Variants in ACAA1 observed in about 807,000 individuals in gnomAD.
ACAA1 encodes 3-ketoacyl-CoA thiolase, peroxisomal.
ACAA1 carries 44 observed loss-of-function variants against 48.8 expected under a neutral mutation model. The observed-to-expected ratio is 0.90, with a 90% CI of 0.71 to 1.16. The LOEUF (loss-of-function observed/expected upper bound fraction) is 1.16, where lower values mean the gene tolerates loss of function less well. Among genes scored for constraint, ACAA1 ranks in the 50% most tolerant of loss-of-function variants. The probability of loss-of-function intolerance (pLI) is 0.00; values close to 1 mark genes in which losing one functional copy is unlikely to be tolerated. For synonymous variants in ACAA1, 233 were observed against 226.5 expected (o/e 1.03, Z -0.26); for missense variants, 512 against 562.3 (o/e 0.91, Z 0.90).
In ACAA1 at chr3:38,125,657, CA is replaced by C. The variant is rs1307934884; in HGVS notation, c.1106del (p.Leu369ArgfsTer7). On this transcript the variant is annotated frameshift_variant, in exon 11 of 12. Transcript: ENST00000333167. LOFTEE classifies it high-confidence loss of function. Reference protein sequence around the residue: ...LRLPPEKVNPLGGAVALGHPL... With the variant: ...LRLPPEKVNPXGGAVALGHPL... ...GGTGCCCTAAGGCCACTGCACCCCC[CA>C]GGGGGTTCACCTTCTCAGGGGGGAG... The C allele has an allele frequency of 1.9e-6, 3 of 1,599,094 alleles. No individual in the cohort carries two copies. The highest frequency in any genetic ancestry group is 1.3e-5 in the African/African-American group (1 of 74,648).
chr3:38,136,040 C>T (rs778635211), intron 2 of ACAA1, among the ~76,000 whole-genome samples: 4 of 152,274 alleles, frequency 2.6e-5, no homozygotes, highest in East Asian at 1.9e-4. Context: ...TGGAGAATGG[C>T]GATGACTTTT....
At chr3:38,136,314 G>T (rs1700891955) in intron 2 of ACAA1, among the ~76,000 whole-genome samples, 1 of 152,124 alleles carries the variant, frequency 6.6e-6, no homozygotes, top group African/African-American at 2.4e-5. Flanking sequence ...CCCTTGCCGA[G>T]ATAGTGAAAA....
intron 5 of ACAA1, among the ~76,000 whole-genome samples, chr3:38,131,015 C>T (rs1285764658): frequency 6.6e-6 from 1 of 152,230 alleles, no homozygotes; most frequent in East Asian, 1.9e-4. Flanking sequence ...GGAGGCACTG[C>T]CAAATACAAC....
intron 2 of ACAA1, chr3:38,134,275 G>T: frequency 3.6e-6 from 2 of 548,852 alleles, no homozygotes; most frequent in Non-Finnish European, 6.5e-6. Context: ...AGCACAGATG[G>T]GCAGGTTGTC....
Position 38,131,922 on chromosome 3 carries a change from T to C in ACAA1, c.403+4A>G. On this transcript the variant is annotated splice_donor_region_variant and intron_variant, in intron 4 of 11. Coordinates refer to ENST00000333167, the MANE Select transcript of ACAA1 (RefSeq NM_001607.4). ...ACCAAGGCACCCACCCAGTCATAAC[T>C]TACCTGCTATGCTGGCCACTGCCTG... The C allele has an allele frequency of 6.2e-7, 1 of 1,613,264 alleles. No homozygotes were observed. The highest frequency in any genetic ancestry group is 8.5e-7 in the Non-Finnish European group (1 of 1,179,264).
chr3:38,131,030 G>A (rs976581148), intron 5 of ACAA1, among the ~76,000 whole-genome samples: 7 of 152,182 alleles, frequency 4.6e-5, no homozygotes, highest in African/African-American at 1.4e-4. Context: ...TACAACTTCT[G>A]CAGCTCCATT....
rs563280344 is a variant in ACAA1 at position 38,133,946 on chromosome 3, G to A, written c.323+6C>T. ...CCAACCCATGGCTAGAACTAGAAAA[G>A]TTTACCTCAGAAACTGGGCGATTCG... is the stretch of plus-strand genomic sequence containing the variant. On this transcript the variant is annotated splice_donor_region_variant and intron_variant, in intron 3 of 11. Coordinates refer to ENST00000333167, the MANE Select transcript of ACAA1 (RefSeq NM_001607.4). 9 of 1,614,144 alleles carry A rather than the reference G, an allele frequency of 5.6e-6. No homozygotes were observed. In the South Asian group the frequency reaches 9.9e-5, roughly 18 times the overall value.
chr3:38,123,164 C>T (rs752080468), intron 11 of ACAA1, 42 bp from the exon 12 acceptor site: 2 of 1,584,346 alleles, frequency 1.3e-6, no homozygotes, highest in African/African-American at 2.7e-5. Context: ...AGGCACCCAC[C>T]AAATTACCTC....
chr3:38,134,026 T>C lies in ACAA1; in HGVS notation c.266-17A>G. ...GCACATTTCCTGTGGACAACAAACTTTCATTCAGTGCCAGGCGGTGGTGTT... is the reference window on the plus strand; with the variant it reads ...GCACATTTCCTGTGGACAACAAACTCTCATTCAGTGCCAGGCGGTGGTGTT... On this transcript the variant is annotated splice_polypyrimidine_tract_variant and intron_variant, in intron 2 of 11. Coordinates refer to ENST00000333167, the MANE Select transcript of ACAA1 (RefSeq NM_001607.4). 3.7e-6 allele frequency: 6 copies of C among 1,611,492 alleles called. No homozygotes were observed. The highest frequency in any genetic ancestry group is 5.1e-6 in the Non-Finnish European group (6 of 1,178,264).
chr3:38,125,934 G>A (rs753131208), intron 9 of ACAA1, 53 bp from the exon 10 acceptor site: 5 of 1,610,936 alleles, frequency 3.1e-6, no homozygotes, highest in South Asian at 2.2e-5. Context: ...GCCTCCCCTG[G>A]GGCCCACCCC....
chr3:38,135,054 C>G (rs542692080), intron 2 of ACAA1: 1 of 152,334 alleles, frequency 6.6e-6, no homozygotes, highest in Admixed American at 6.5e-5. Context: ...ATGCTGGCAG[C>G]AATACTGCTC....
chr3:38,122,879 C>G lies in ACAA1; in HGVS notation c.*168G>C. 1 of 801,700 alleles carries G rather than the reference C, an allele frequency of 1.2e-6. No homozygotes were observed. The highest frequency in any genetic ancestry group is 2.0e-6 in the Non-Finnish European group (1 of 508,138). The allele number at this position is 801,700 out of a possible 1,614,324, so 49.7% of individuals were successfully genotyped here. ...CTCAACACCCCACCCACTCCTATACCATGTCATCAGTGTTCACATTTTCCA... is the reference window on the plus strand; with the variant it reads ...CTCAACACCCCACCCACTCCTATACGATGTCATCAGTGTTCACATTTTCCA... On this transcript the variant is annotated 3_prime_UTR_variant, in exon 12 of 12. Coordinates refer to ENST00000333167, the MANE Select transcript of ACAA1 (RefSeq NM_001607.4).
In ACAA1 at chr3:38,129,241, T is replaced by C. The variant is rs1158634312; in HGVS notation, c.545+49A>G. On this transcript the variant is annotated intron_variant, in intron 6 of 11. Coordinates refer to ENST00000333167, the MANE Select transcript of ACAA1 (RefSeq NM_001607.4). This position sits in a 1 kb window ranked among gnomAD's most constrained non-coding sequence, Gnocchi z 5.3. ...AGATGATAAAAGTTCCTTGGCTCCC[T>C]GCCCCAGGCAGAGAGGGCACAAGCA... 1.9e-6 allele frequency: 3 copies of C among 1,557,438 alleles called. No homozygotes were observed. In the South Asian group the frequency reaches 3.4e-5, roughly 17 times the overall value.
At chr3:38,131,472 C>G (rs1328303853) in intron 5 of ACAA1, 124 bp downstream of exon 5, 2 of 1,001,702 alleles carry the variant, frequency 2.0e-6, no homozygotes, top group South Asian at 1.4e-5. Context: ...TGAGAACCCA[C>G]TCGTGGCCAG....
In ACAA1 at chr3:38,126,187, G is replaced by A. The variant is rs558064084; in HGVS notation, c.972C>T (p.Ala324=). The change falls in exon 9 of 12, where the codon GCC becomes GCT. Residue 324 remains alanine (A), a synonymous_variant. Transcript: ENST00000333167. This position sits in a 1 kb window ranked among gnomAD's most constrained non-coding sequence, Gnocchi z 4.7. ...PDIMGIGPAY[A]IPVALQKAGL... ...CTGCTTTTTGCAAAGCTACTGGGAT[G>A]GCATAGGCAGGTCCAATGCCCATGA... 4 of 1,614,118 alleles carry A rather than the reference G, an allele frequency of 2.5e-6. No individual in the cohort carries two copies. Among genetic ancestry groups the A allele is most frequent in the East Asian group, 4.5e-5 (2 of 44,890 alleles).
chr3:38,134,473 T>C (rs1208929953), intron 2 of ACAA1: 1 of 458,194 alleles, frequency 2.2e-6, no homozygotes, highest in Admixed American at 2.4e-5. Flanking sequence ...AGGGCTGGAC[T>C]GAAGATTGTG....
At position 38,129,797 on chromosome 3, in the gene ACAA1, C is replaced by T. The variant is rs568598188; in HGVS notation, c.447-409G>A. On this transcript the variant is annotated intron_variant, in intron 5 of 11. Transcript: ENST00000333167. This position sits in a 1 kb window ranked among gnomAD's most constrained non-coding sequence, Gnocchi z 5.3. ...AGACAATTTGAAAGTAACCACAGGC[C>T]GGCTGTGGTGGCTCACGCCTGTAAT... 2.3e-4 allele frequency among the ~76,000 whole-genome samples: 35 copies of T among 152,292 alleles called. No homozygotes were observed. Among genetic ancestry groups the T allele is most frequent in the African/African-American group, 8.2e-4 (34 of 41,568 alleles).
chr3:38,137,038 C>G lies in ACAA1; in HGVS notation c.-3G>C. ...AGCACTACCTGCAGCCTCTGCATTG[C>G]GCAGGTCAACCCTGCAGACCAGCCA... On this transcript the variant is annotated 5_prime_UTR_variant, in exon 1 of 12. Coordinates refer to ENST00000333167, the MANE Select transcript of ACAA1 (RefSeq NM_001607.4). 1 of 1,558,892 alleles carries G rather than the reference C, an allele frequency of 6.4e-7. No homozygotes were observed. The highest frequency in any genetic ancestry group is 8.7e-7 in the Non-Finnish European group (1 of 1,154,792).
chr3:38,127,967 T>A, intron 6 of ACAA1, 101 bp from the exon 7 acceptor site: 3 of 1,162,934 alleles, frequency 2.6e-6, no homozygotes, highest in Non-Finnish European at 3.9e-6. Context: ...CCCAAGGCTG[T>A]AGGCAGGACA....
Sources: allele counts gnomAD v4.1 joint callset (sites outside exome capture counted in the v4.1 genomes callset), GRCh38; gene constraint gnomAD v4.1.1; non-coding constraint Gnocchi (gnomAD v3.1); transcripts MANE v1.5; gene names NCBI Gene and HGNC (gene_info 2026-07-23, HGNC 2026-07-21).